The following ROBO1 variants were observed in gnomAD, a reference collection of about 807,000 sequenced individuals.
ROBO1 encodes roundabout guidance receptor 1, also known as roundabout homolog 1.
Under a neutral mutation model 195.9 loss-of-function variants are expected in ROBO1, and 149 were observed. The ratio of observed to expected loss-of-function variants is 0.76; its 90% confidence interval spans 0.67 to 0.87. The LOEUF (loss-of-function observed/expected upper bound fraction) is 0.87. Ranked by LOEUF, ROBO1 falls within the 40% of genes least tolerant of loss-of-function variation. The probability of loss-of-function intolerance (pLI) is 0.00; values close to 1 mark genes in which losing one functional copy is unlikely to be tolerated. For synonymous variants in ROBO1, 816 were observed against 733.2 expected (o/e 1.11, Z -1.82); for missense variants, 1,933 against 2,068.3 (o/e 0.93, Z 1.27).
At chr3:79,347,368 C>A (rs1299796075) in intron 2 of ROBO1, among the ~76,000 whole-genome samples, 1 of 152,154 alleles carries the variant, frequency 6.6e-6, no homozygotes, top group African/African-American at 2.4e-5. Flanking sequence ...TCTGTAATAT[C>A]TTAGCATGTT....
intron 4 of ROBO1, among the ~76,000 whole-genome samples, chr3:78,916,103 T>A (rs187253664): frequency 0.011 from 1,735 of 151,262 alleles, 15 homozygotes; most frequent in Non-Finnish European, 0.018. Flanking sequence ...TACAAAAAAT[T>A]AGCCGGGTGT....
chr3:78,931,233 T>C (rs1321802353), intron 4 of ROBO1, among the ~76,000 whole-genome samples: 1 of 122,118 alleles, frequency 8.2e-6, no homozygotes, highest in African/African-American at 3.4e-5. Context: ...CTTTTCTTTC[T>C]TTCTTTTTTT....
chr3:78,671,604 A>G (rs1276860874), intron 10 of ROBO1, among the ~76,000 whole-genome samples: 1 of 152,030 alleles, frequency 6.6e-6, no homozygotes, highest in Admixed American at 6.5e-5. Flanking sequence ...CTAAAAAAAA[A>G]AAAAGAAAAG....
chr3:78,670,370 G>C, intron 10 of ROBO1, 69 bp from the exon 11 acceptor site: 1 of 1,327,736 alleles, frequency 7.5e-7, no homozygotes, highest in Non-Finnish European at 1.1e-6. Flanking sequence ...CCAAGCAACA[G>C]CAGTTGTTCT....
In ROBO1 at chr3:78,957,022, CATT is replaced by C. The variant is rs546729868; in HGVS notation, c.173-18098_173-18096del. On this transcript the variant is annotated intron_variant, in intron 3 of 30. Transcript: ENST00000464233. ...AAGAAAGGTCTGAAAAGAATCTTAA[CATT>C]ATTTCTTAGAGGCTGTTGAAAAATG... Among the ~76,000 whole-genome samples the C allele has an allele frequency of 2.6e-3, 397 of 152,230 alleles. 2 individuals are homozygous for C. Among genetic ancestry groups the C allele is most frequent in the African/African-American group, 9.3e-3 (386 of 41,532 alleles).
intron 2 of ROBO1, among the ~76,000 whole-genome samples, chr3:79,584,864 A>G (rs1245295554): frequency 6.6e-6 from 1 of 151,758 alleles, no homozygotes; most frequent in African/African-American, 2.4e-5. Context: ...GCAAGTCACT[A>G]TCAAGTGAGT....
intron 1 of ROBO1, among the ~76,000 whole-genome samples, chr3:79,753,033 G>A (rs2107484256): frequency 6.6e-6 from 1 of 152,220 alleles, no homozygotes; most frequent in Non-Finnish European, 1.5e-5. Context: ...GGGTGGGAAT[G>A]AGGGCAGACA....
intron 1 of ROBO1, among the ~76,000 whole-genome samples, chr3:79,717,494 G>A (rs986368823): frequency 2.0e-4 from 30 of 151,964 alleles, no homozygotes; most frequent in Non-Finnish European, 4.1e-4. Flanking sequence ...TGGCAGGTGT[G>A]TTTGACCAAT....
At chr3:79,237,938 T>C (rs891583534) in intron 2 of ROBO1, among the ~76,000 whole-genome samples, 3 of 152,136 alleles carry the variant, frequency 2.0e-5, no homozygotes, top group Admixed American at 6.5e-5. Context: ...ACAGAGAACA[T>C]GATAGAGTTC....
chr3:79,222,817 G>A (rs757831314), intron 2 of ROBO1, among the ~76,000 whole-genome samples: 3 of 151,860 alleles, frequency 2.0e-5, no homozygotes, highest in South Asian at 2.1e-4. Context: ...TAATATATTC[G>A]GGATAATTAC....
At chr3:79,238,530 T>C (rs1379004443) in intron 2 of ROBO1, among the ~76,000 whole-genome samples, 1 of 152,198 alleles carries the variant, frequency 6.6e-6, no homozygotes, top group East Asian at 1.9e-4. Flanking sequence ...ACCTAAGAAA[T>C]CACTTCATAT....
chr3:79,747,877 G>A (rs1241100391), intron 1 of ROBO1, among the ~76,000 whole-genome samples: 1 of 151,774 alleles, frequency 6.6e-6, no homozygotes, highest in Non-Finnish European at 1.5e-5. Flanking sequence ...CCACTATAAA[G>A]AGAAAACAAA....
chr3:78,668,456 T>G (rs952495568), intron 12 of ROBO1, 28 bp downstream of exon 12: 1 of 1,612,316 alleles, frequency 6.2e-7, no homozygotes, highest in Non-Finnish European at 8.5e-7. Context: ...TAAGCTTCAC[T>G]TTAAGGGAAA....
rs577294893 is a variant in ROBO1 at position 78,755,245 on chromosome 3, A to G, written c.500-8345T>C. On this transcript the variant is annotated intron_variant, in intron 4 of 30. Transcript: ENST00000464233. ...GCATTTTGGAGGCAGATGCTGGAGG[A>G]TGGCCTGAGCCCAGGAGTTGGAGAC... Among the ~76,000 whole-genome samples, 583 of 152,240 alleles carry G rather than the reference A, an allele frequency of 3.8e-3. 6 individuals are homozygous for G. Among genetic ancestry groups the G allele is most frequent in the African/African-American group, 0.013 (555 of 41,530 alleles).
At chr3:78,876,992 T>G (rs1222795646) in intron 4 of ROBO1, among the ~76,000 whole-genome samples, 1 of 152,190 alleles carries the variant, frequency 6.6e-6, no homozygotes, top group Non-Finnish European at 1.5e-5. Flanking sequence ...TGTGGCTTGG[T>G]GTCTACGACA....
At chr3:78,789,041 A>G (rs980379740) in intron 4 of ROBO1, among the ~76,000 whole-genome samples, 1 of 152,146 alleles carries the variant, frequency 6.6e-6, no homozygotes, top group Non-Finnish European at 1.5e-5. Context: ...CTAAGATATG[A>G]AAGATCAGTA....
intron 2 of ROBO1, among the ~76,000 whole-genome samples, chr3:79,585,967 T>C (rs1943815154): frequency 7.7e-6 from 1 of 130,528 alleles, no homozygotes; most frequent in Non-Finnish European, 1.7e-5. Flanking sequence ...ATCACAAATA[T>C]TGGAAAAAAA....
At chr3:79,489,219 C>T (rs543219687) in intron 2 of ROBO1, among the ~76,000 whole-genome samples, 2 of 151,464 alleles carry the variant, frequency 1.3e-5, no homozygotes, top group Admixed American at 6.6e-5. Flanking sequence ...TTGTGGAATT[C>T]GAAACTATTT....
At chr3:78,726,040 T>A (rs2082154796) in intron 5 of ROBO1, among the ~76,000 whole-genome samples, 2 of 152,118 alleles carry the variant, frequency 1.3e-5, no homozygotes, top group Non-Finnish European at 2.9e-5. Context: ...ACACAAATTC[T>A]TTTCTGCTTT....
Sources: gnomAD v4.1 joint callset for allele counts (sites outside exome capture counted in the v4.1 genomes callset) on GRCh38, gnomAD v4.1.1 for gene constraint, MANE v1.5 for transcripts, NCBI Gene and HGNC (gene_info 2026-07-23, HGNC 2026-07-21) for gene names.